PRKG1: variants seen among roughly 807,000 people sequenced by gnomAD.
PRKG1 encodes the protein protein kinase cGMP-dependent 1, also known as cGMP-dependent protein kinase 1.
A neutral mutation model predicts 88.1 loss-of-function variants in PRKG1; 35 were observed. The observed-to-expected ratio is 0.40, with a 90% CI of 0.30 to 0.53. The LOEUF is 0.53. Ranked by LOEUF, PRKG1 falls within the 20% of genes least tolerant of loss-of-function variation. The pLI is 0.59. For missense variants in PRKG1, 540 were observed against 839.8 expected (o/e 0.64, Z 4.41); for synonymous variants, 303 against 292.5 (o/e 1.04, Z -0.37).
chr10:51,696,756 C>T (rs2132403404), intron 3 of PRKG1: 1 of 151,982 alleles, frequency 6.6e-6, no homozygotes, highest in Admixed American at 6.6e-5. Context: ...CGTCAGATAC[C>T]AAGAAACTCA....
At chr10:52,203,450 A>G (rs1262111419) in intron 9 of PRKG1, among the ~76,000 whole-genome samples, 3 of 152,214 alleles carry the variant, frequency 2.0e-5, no homozygotes, top group Non-Finnish European at 4.4e-5. Context: ...AGTCAATTTT[A>G]GAGTATGTGC....
intron 1 of PRKG1, among the ~76,000 whole-genome samples, chr10:51,006,080 T>C (rs1842937783): frequency 6.6e-6 from 1 of 152,212 alleles, no homozygotes; most frequent in African/African-American, 2.4e-5. Context: ...CATCTCCCCA[T>C]GTCAGTGTTA....
At chr10:51,211,267 G>C (rs139358681) in intron 2 of PRKG1, among the ~76,000 whole-genome samples, 9,437 of 151,284 alleles carry the variant, frequency 0.062, 652 homozygotes, top group African/African-American at 0.17. Flanking sequence ...ATTCAACAAC[G>C]CTTCATGCTA....
Position 51,616,388 on chromosome 10 carries a change from T to C in PRKG1, c.592+148552T>C, listed in dbSNP as rs888157015. Among the ~76,000 whole-genome samples the C allele has an allele frequency of 3.9e-5, 6 of 152,250 alleles. No individual in the cohort carries two copies. The East Asian group carries it at 1.2e-3, about 29-fold the overall frequency. On this transcript the variant is annotated intron_variant, in intron 3 of 17. Transcript: ENST00000373980. ...GCAGTTGGTGTGTGGGTGATGGCAG[T>C]GTCAGGGGCAGGATAGTCCTGTGGA...
chr10:51,078,659 C>G (rs1337684001), intron 1 of PRKG1, among the ~76,000 whole-genome samples: 1 of 151,416 alleles, frequency 6.6e-6, no homozygotes, highest in African/African-American at 2.4e-5. Flanking sequence ...CTCTATCGCC[C>G]AGGCTGGAGT....
At chr10:51,038,750 G>A (rs936733499) in intron 1 of PRKG1, among the ~76,000 whole-genome samples, 1 of 152,056 alleles carries the variant, frequency 6.6e-6, no homozygotes, top group African/African-American at 2.4e-5. Context: ...CACTTAGGTT[G>A]CTTCCAAATC....
intron 12 of PRKG1, among the ~76,000 whole-genome samples, chr10:52,278,230 G>A (rs1338905707): frequency 6.6e-6 from 1 of 152,122 alleles, no homozygotes; most frequent in Non-Finnish European, 1.5e-5. Context: ...ATCATCACTG[G>A]TCATTAGAGA....
At chr10:51,244,272 G>A (rs1839228910) in intron 2 of PRKG1, among the ~76,000 whole-genome samples, 1 of 149,942 alleles carries the variant, frequency 6.7e-6, no homozygotes, top group African/African-American at 2.5e-5. Flanking sequence ...AGGAAACTAA[G>A]CATTTGAATT....
chr10:51,683,068 CAT>C (rs1297273692), intron 3 of PRKG1, among the ~76,000 whole-genome samples: 1 of 152,124 alleles, frequency 6.6e-6, no homozygotes, highest in African/African-American at 2.4e-5. Context: ...AATCATGAAA[CAT>C]GTTATTTTAT....
At chr10:51,204,367 C>CGTGTGTGTGT (rs34624885) in intron 2 of PRKG1, among the ~76,000 whole-genome samples, 2 of 145,862 alleles carry the variant, frequency 1.4e-5, no homozygotes, top group African/African-American at 5.1e-5. Flanking sequence ...AGTAGACCTC[C>CGTGTGTGTGT]GTGTGTGTGT....
intron 2 of PRKG1, among the ~76,000 whole-genome samples, chr10:51,325,404 G>A (rs1429465687): frequency 1.3e-5 from 2 of 152,036 alleles, no homozygotes; most frequent in Admixed American, 1.3e-4. Flanking sequence ...TCACCATGTT[G>A]GCCAGGCTGG....
intron 5 of PRKG1, among the ~76,000 whole-genome samples, chr10:51,945,915 A>T: frequency 6.6e-6 from 1 of 150,558 alleles, no homozygotes; most frequent in African/African-American, 2.5e-5. Context: ...AACTTTGGTG[A>T]ATCTGACAAT....
At chr10:51,689,049 CCATAT>C (rs1841067782) in intron 3 of PRKG1, among the ~76,000 whole-genome samples, 1 of 152,172 alleles carries the variant, frequency 6.6e-6, no homozygotes, top group South Asian at 2.1e-4. Flanking sequence ...CTACTGCCAT[CCATAT>C]AAGACATGAC....
chr10:51,890,779 A>G (rs969215081), intron 4 of PRKG1, among the ~76,000 whole-genome samples: 1 of 152,176 alleles, frequency 6.6e-6, no homozygotes, highest in Non-Finnish European at 1.5e-5. Flanking sequence ...AACATGGGGA[A>G]ACCCCTTCTC....
chr10:52,036,384 C>T (rs577037112), intron 5 of PRKG1, among the ~76,000 whole-genome samples: 4,596 of 142,980 alleles, frequency 0.032, 101 homozygotes, highest in South Asian at 0.088. Context: ...TTGTAAGGCT[C>T]GTCCGGTTTT....
intron 2 of PRKG1, among the ~76,000 whole-genome samples, chr10:51,397,793 A>G (rs1211561644): frequency 1.3e-5 from 2 of 152,130 alleles, no homozygotes; most frequent in East Asian, 3.9e-4. Context: ...CTTGTTTCCC[A>G]GGGTTAAATG....
Position 51,217,685 on chromosome 10 carries a change from G to A in PRKG1, c.478+64355G>A, listed in dbSNP as rs969752492. 2.6e-4 allele frequency among the ~76,000 whole-genome samples: 39 copies of A among 152,086 alleles called. No homozygotes were observed. The East Asian group carries it at 6.0e-3, about 23-fold the overall frequency. On this transcript the variant is annotated intron_variant, in intron 2 of 17. Transcript: ENST00000373980. ...TACTTCTGTTTCTGGCCTTAGTTCT[G>A]GGCTCACACAGATGGCCTTTATAAA...
intron 3 of PRKG1, among the ~76,000 whole-genome samples, chr10:51,605,077 A>T (rs1325794701): frequency 6.6e-6 from 1 of 152,096 alleles, no homozygotes; most frequent in East Asian, 1.9e-4. Context: ...CCTCCCCTGG[A>T]GTCGGGCCGC....
chr10:51,958,609 G>A lies in PRKG1; in HGVS notation c.762+51039G>A, dbSNP rs148100737. On this transcript the variant is annotated intron_variant, in intron 5 of 17. Coordinates refer to ENST00000373980, the MANE Select transcript of PRKG1 (RefSeq NM_006258.4). ...TTTTTTTTTTTTTGTCAATGAATAT[G>A]TGTACACATGAGTGTTGGAAGGGAA... Among the ~76,000 whole-genome samples the A allele has an allele frequency of 8.0e-4, 97 of 121,372 alleles. 1 individual carries two copies. The East Asian group carries it at 0.016, about 20-fold the overall frequency. 79.6% of individuals were successfully genotyped at this position (121,372 alleles called of 152,430 possible).
Sources: gnomAD v4.1 joint callset for allele counts (sites outside exome capture counted in the v4.1 genomes callset) on GRCh38, gnomAD v4.1.1 for gene constraint, MANE v1.5 for transcripts, NCBI Gene and HGNC (gene_info 2026-07-23, HGNC 2026-07-21) for gene names.